RAD54L2: variants seen among roughly 807,000 people sequenced by gnomAD.
RAD54L2 encodes the protein RAD54 like 2.
In RAD54L2, 27 loss-of-function variants were observed where a neutral mutation model predicts 138.4. That is an observed-to-expected ratio of 0.20 (90% CI 0.14 to 0.27). The LOEUF (loss-of-function observed/expected upper bound fraction) is 0.27, where lower values mean the gene tolerates loss of function less well. Among genes scored for constraint, RAD54L2 ranks in the 10% least tolerant of loss-of-function variants. The pLI is 1.00. For missense variants in RAD54L2, 1,396 were observed against 1,890.2 expected (o/e 0.74, Z 4.85); for synonymous variants, 644 against 723.2 (o/e 0.89, Z 1.76).
chr3:51,589,988 T>C (rs571421683), intron 2 of RAD54L2, among the ~76,000 whole-genome samples: 138 of 152,166 alleles, frequency 9.1e-4, no homozygotes, highest in Admixed American at 2.3e-3. Context: ...ATGTTCAGCA[T>C]TTTTTTCTTT....
At chr3:51,622,314 A>G (rs1295468831) in intron 3 of RAD54L2, among the ~76,000 whole-genome samples, 2 of 152,222 alleles carry the variant, frequency 1.3e-5, no homozygotes, top group East Asian at 3.9e-4. Context: ...CACGCAGTAC[A>G]TTCCTAGTGC....
intron 2 of RAD54L2, among the ~76,000 whole-genome samples, chr3:51,555,261 T>C (rs529315590): frequency 6.6e-6 from 1 of 152,292 alleles, no homozygotes; most frequent in African/African-American, 2.4e-5. Flanking sequence ...CCCACCTTTC[T>C]GGACAGAACA....
intron 21 of RAD54L2, 47 bp downstream of exon 21, chr3:51,657,716 C>A: frequency 7.6e-7 from 1 of 1,323,916 alleles, no homozygotes; most frequent in Non-Finnish European, 1.1e-6. Flanking sequence ...GTTGAGAGTG[C>A]TGGGCTGGGA....
intron 19 of RAD54L2, among the ~76,000 whole-genome samples, chr3:51,654,344 C>T (rs1303902097): frequency 1.3e-5 from 2 of 152,092 alleles, no homozygotes; most frequent in East Asian, 1.9e-4. Context: ...CCATCATGCC[C>T]GGCCATTTGT....
intron 21 of RAD54L2, among the ~76,000 whole-genome samples, chr3:51,658,156 T>C (rs1045050144): frequency 2.0e-5 from 3 of 151,916 alleles, no homozygotes; most frequent in Non-Finnish European, 4.4e-5. Flanking sequence ...ATGGTCTCGA[T>C]TTCTTGACCT....
intron 2 of RAD54L2, among the ~76,000 whole-genome samples, chr3:51,588,489 C>T (rs1255862114): frequency 2.2e-5 from 3 of 134,640 alleles, no homozygotes; most frequent in Middle Eastern, 3.8e-3. Context: ...GAGCTGAGAT[C>T]GTGCCACTGC....
chr3:51,569,978 G>A (rs930119055), intron 2 of RAD54L2, among the ~76,000 whole-genome samples: 1 of 151,472 alleles, frequency 6.6e-6, no homozygotes, highest in South Asian at 2.1e-4. Context: ...GTCTACGGAC[G>A]TGCACCACTA....
chr3:51,610,961 G>A (rs2106758163), intron 3 of RAD54L2, among the ~76,000 whole-genome samples: 1 of 152,272 alleles, frequency 6.6e-6, no homozygotes, highest in East Asian at 1.9e-4. Context: ...TGATTCTGAG[G>A]TTTCCAAGAA....
At chr3:51,640,254 G>T (rs1186947045) in intron 14 of RAD54L2, among the ~76,000 whole-genome samples, 6 of 152,044 alleles carry the variant, frequency 3.9e-5, no homozygotes, top group Non-Finnish European at 8.8e-5. Flanking sequence ...GAGAGCTAAG[G>T]ATAGTTTTTA....
At chr3:51,592,574 C>T (rs1180672845) in intron 3 of RAD54L2, among the ~76,000 whole-genome samples, 1 of 151,292 alleles carries the variant, frequency 6.6e-6, no homozygotes, top group African/African-American at 2.4e-5. Context: ...GTTTTTGACC[C>T]TATTTTACCT....
At chr3:51,649,703 C>T (rs896011156) in intron 19 of RAD54L2, among the ~76,000 whole-genome samples, 1 of 152,132 alleles carries the variant, frequency 6.6e-6, no homozygotes, top group South Asian at 2.1e-4. Context: ...AACTAAGCTT[C>T]ATAAGTGAAG....
chr3:51,560,188 C>A (rs1016988927), intron 2 of RAD54L2, among the ~76,000 whole-genome samples: 1 of 152,126 alleles, frequency 6.6e-6, no homozygotes, highest in Admixed American at 6.5e-5. Context: ...TGTGTGGCAT[C>A]TGGTTTTCAA....
rs1398531861 is a variant in RAD54L2, at chr3:51,595,012, G to A, written c.139+4453G>A. ...CCTGAGTAGCTGGGACTACAGGCAC[G>A]CGCCACCACATCCTGCTGATTTTTT... On this transcript the variant is annotated intron_variant, in intron 3 of 22. Transcript: ENST00000684192. Among the ~76,000 whole-genome samples, 5 of 151,522 alleles carry A rather than the reference G, an allele frequency of 3.3e-5. 1 individual carries two copies. The East Asian group carries it at 5.8e-4, about 18-fold the overall frequency.
chr3:51,586,173 C>T (rs553172186), intron 2 of RAD54L2, among the ~76,000 whole-genome samples: 1 of 152,140 alleles, frequency 6.6e-6, no homozygotes, highest in Admixed American at 6.6e-5. Flanking sequence ...CTGCTGCTGC[C>T]CACCAAGACC....
chr3:51,639,970 G>A lies in RAD54L2; in HGVS notation c.2202G>A (p.Val734=). The stretch of plus-strand genomic sequence containing the variant: ...TTTTCCACCTGATTGAGGAAAGTGT[G>A]AAGCTTGGGGACAAGATCCTTGTGT... ...VLLFHLIEES[V]KLGDKILVFS... is the part of the protein sequence containing the mutation. The change falls in exon 14 of 23, where the codon GTG becomes GTA. Residue 734 remains valine, a synonymous_variant. Coordinates refer to ENST00000684192, the MANE Select transcript of RAD54L2 (RefSeq NM_015106.4). 6.2e-7 allele frequency: 1 copy of A among 1,608,710 alleles called. No homozygotes were observed. Among genetic ancestry groups the A allele is most frequent in the Non-Finnish European group, 8.5e-7 (1 of 1,175,696 alleles).
chr3:51,630,173 T>G, intron 5 of RAD54L2, 99 bp from the exon 6 acceptor site: 1 of 877,786 alleles, frequency 1.1e-6, no homozygotes, highest in Non-Finnish European at 1.9e-6. Flanking sequence ...ATACTCCCCA[T>G]GAGAGCTATA....
chr3:51,589,596 A>G (rs773218649), intron 2 of RAD54L2, among the ~76,000 whole-genome samples: 10 of 151,826 alleles, frequency 6.6e-5, no homozygotes, highest in Non-Finnish European at 1.0e-4. Context: ...TTTGAAGCAC[A>G]GTTTCTACTG....
intron 3 of RAD54L2, among the ~76,000 whole-genome samples, chr3:51,598,680 CAG>C (rs1357425325): frequency 6.6e-6 from 1 of 152,054 alleles, no homozygotes; most frequent in Non-Finnish European, 1.5e-5. Flanking sequence ...TGCTTGAACC[CAG>C]GGGGCAGAGA....
At chr3:51,540,451 C>T (rs1484812943) in intron 1 of RAD54L2, among the ~76,000 whole-genome samples, 1 of 152,232 alleles carries the variant, frequency 6.6e-6, no homozygotes, top group Non-Finnish European at 1.5e-5. Context: ...CATTGAAAGA[C>T]AGTACGCAAA....
Sources: allele counts gnomAD v4.1 joint callset (sites outside exome capture counted in the v4.1 genomes callset), GRCh38; gene constraint gnomAD v4.1.1; transcripts MANE v1.5; gene names NCBI Gene and HGNC (gene_info 2026-07-23, HGNC 2026-07-21).